DOCK3: variants seen among roughly 807,000 people sequenced by gnomAD.
DOCK3 encodes dedicator of cytokinesis 3, also known as dedicator of cytokinesis protein 3.
Under a neutral mutation model 265.6 loss-of-function variants are expected in DOCK3, and 60 were observed. The ratio of observed to expected loss-of-function variants is 0.23; its 90% CI spans 0.18 to 0.28. The LOEUF (loss-of-function observed/expected upper bound fraction) is 0.28, where lower values mean the gene tolerates loss of function less well. Ranked by LOEUF, DOCK3 falls within the 10% of genes least tolerant of loss-of-function variation. DOCK3 has a pLI of 1.00. For synonymous variants in DOCK3, 881 were observed against 938.0 expected, an observed-to-expected ratio of 0.94 and a Z score of 1.11; for missense variants, 1,981 against 2,594.3, an observed-to-expected ratio of 0.76 and a Z score of 5.14.
intron 27 of DOCK3, among the ~76,000 whole-genome samples, chr3:51,301,516 A>G (rs1013763357): frequency 6.6e-6 from 1 of 151,944 alleles, no homozygotes; most frequent in African/African-American, 2.4e-5. Context: ...TTTATTTGAG[A>G]TCTTTCTAGC....
chr3:50,714,573 C>T (rs2036978661), intron 1 of DOCK3, among the ~76,000 whole-genome samples: 1 of 152,152 alleles, frequency 6.6e-6, no homozygotes, highest in Admixed American at 6.5e-5. Flanking sequence ...CCTCGACCTC[C>T]TGGGCTCAAG....
intron 5 of DOCK3, among the ~76,000 whole-genome samples, chr3:50,978,919 C>T (rs2077584234): frequency 6.6e-6 from 1 of 152,200 alleles, no homozygotes; most frequent in Admixed American, 6.5e-5. Context: ...CAGGTGCTGT[C>T]CGTCACCCCT....
At chr3:51,227,929 T>C (rs1391673863) in intron 16 of DOCK3, 53 bp from the exon 17 acceptor site, 1 of 1,557,236 alleles carries the variant, frequency 6.4e-7, no homozygotes, top group Non-Finnish European at 8.8e-7. Context: ...AGAATTTCCA[T>C]GAGGAAGCAG....
intron 1 of DOCK3, among the ~76,000 whole-genome samples, chr3:50,709,096 C>T (rs994196335): frequency 5.9e-5 from 9 of 152,214 alleles, no homozygotes; most frequent in South Asian, 2.1e-4. Flanking sequence ...GCTAAGACTT[C>T]TAATCCTGAA....
At chr3:51,013,298 G>A (rs1293697898) in intron 5 of DOCK3, among the ~76,000 whole-genome samples, 1 of 152,144 alleles carries the variant, frequency 6.6e-6, no homozygotes, top group African/African-American at 2.4e-5. Context: ...ATCTACCTTT[G>A]GTCTTTGATG....
intron 20 of DOCK3, 97 bp from the exon 21 acceptor site, chr3:51,237,393 A>G: frequency 2.0e-6 from 2 of 981,624 alleles, no homozygotes; most frequent in East Asian, 2.6e-5. Context: ...AGCACTGACA[A>G]TTTGCCATTA....
intron 5 of DOCK3, among the ~76,000 whole-genome samples, chr3:51,021,607 A>G (rs1168321132): frequency 6.6e-6 from 1 of 150,394 alleles, no homozygotes; most frequent in Non-Finnish European, 1.5e-5. Flanking sequence ...GATTCCTTCT[A>G]GAACTTTGAT....
At chr3:50,768,691 G>T (rs912503676) in intron 1 of DOCK3, among the ~76,000 whole-genome samples, 1 of 152,154 alleles carries the variant, frequency 6.6e-6, no homozygotes, top group African/African-American at 2.4e-5. Context: ...TATCTTGGCT[G>T]TTGTGAATAG....
chr3:50,694,185 G>A (rs1180899506), intron 1 of DOCK3, among the ~76,000 whole-genome samples: 15 of 151,644 alleles, frequency 9.9e-5, no homozygotes, highest in African/African-American at 1.5e-4. Flanking sequence ...CATGAGAATC[G>A]CTTGAACCCA....
intron 5 of DOCK3, among the ~76,000 whole-genome samples, chr3:51,028,593 A>G (rs7610901): frequency 0.9 from 137,192 of 152,166 alleles, 62,039 homozygotes; most frequent in African/African-American, 0.95. Flanking sequence ...ATAATCCCAT[A>G]TTTCTTGAAG....
chr3:51,336,340 GTT>G (rs60903466), intron 35 of DOCK3, among the ~76,000 whole-genome samples: 1 of 144,894 alleles, frequency 6.9e-6, no homozygotes, highest in East Asian at 2.0e-4. Context: ...GGGTTTTTTT[GTT>G]TTTTTTTTTG....
chr3:51,091,242 A>T (rs2082625311), intron 9 of DOCK3, among the ~76,000 whole-genome samples: 1 of 152,186 alleles, frequency 6.6e-6, no homozygotes, highest in African/African-American at 2.4e-5. Context: ...GGCTGTGTGG[A>T]TATAGATTCT....
chr3:50,776,431 A>AT (rs1051507249), intron 1 of DOCK3, among the ~76,000 whole-genome samples: 268 of 142,380 alleles, frequency 1.9e-3, no homozygotes, highest in Middle Eastern at 7.2e-3. Flanking sequence ...TTTTTATGTG[A>AT]TTTTTTTTTT....
intron 3 of DOCK3, among the ~76,000 whole-genome samples, chr3:50,859,581 C>T (rs1245712505): frequency 6.6e-6 from 1 of 152,032 alleles, no homozygotes; most frequent in East Asian, 1.9e-4. Context: ...TTTTTCTCAT[C>T]TCTGCATGTG....
intron 5 of DOCK3, among the ~76,000 whole-genome samples, chr3:51,025,892 C>G (rs1245220814): frequency 6.6e-6 from 1 of 152,060 alleles, no homozygotes; most frequent in Non-Finnish European, 1.5e-5. Flanking sequence ...TTCAGATTCC[C>G]CAGTGAGGAT....
At chr3:51,328,955 C>A (rs2084334888) in intron 32 of DOCK3, among the ~76,000 whole-genome samples, 1 of 152,030 alleles carries the variant, frequency 6.6e-6, no homozygotes. Flanking sequence ...GAATTCAATA[C>A]CAGCCTGGGC....
At chr3:50,918,545 G>C (rs1193187760) in intron 4 of DOCK3, among the ~76,000 whole-genome samples, 1 of 152,106 alleles carries the variant, frequency 6.6e-6, no homozygotes. Context: ...TCTGTTGACT[G>C]CATAAATGTC....
intron 1 of DOCK3, among the ~76,000 whole-genome samples, chr3:50,768,158 T>C (rs2041027413): frequency 1.3e-5 from 2 of 152,156 alleles, no homozygotes; most frequent in Non-Finnish European, 2.9e-5. Flanking sequence ...CTGTGTTGAA[T>C]AGGAGTGGTG....
intron 5 of DOCK3, among the ~76,000 whole-genome samples, chr3:51,021,077 G>A (rs376784503): frequency 3.9e-5 from 6 of 152,032 alleles, no homozygotes; most frequent in East Asian, 1.9e-4. Context: ...CCATTTTCAC[G>A]ATATTGATTC....
Sources: allele counts gnomAD v4.1 joint callset (sites outside exome capture counted in the v4.1 genomes callset), GRCh38; gene constraint gnomAD v4.1.1; transcripts MANE v1.5; gene names NCBI Gene and HGNC (gene_info 2026-07-23, HGNC 2026-07-21).